Variants in KCNQ1 observed in about 807,000 individuals in gnomAD.
KCNQ1 encodes the protein potassium voltage-gated channel subfamily Q member 1.
Under a neutral mutation model 72.4 loss-of-function variants are expected in KCNQ1, and 49 were observed. That is an observed-to-expected ratio of 0.68 (90% CI 0.54 to 0.86). KCNQ1 has a LOEUF of 0.86. Among genes scored for constraint, KCNQ1 ranks in the 40% least tolerant of loss-of-function variants. KCNQ1 has a pLI of 0.00. For synonymous variants in KCNQ1, 450 were observed against 412.6 expected (o/e 1.09, Z -1.10); for missense variants, 790 against 945.1 (o/e 0.84, Z 2.15).
rs915715899 is a variant in KCNQ1, at chr11:2,464,999, G to A, written c.386+19515G>A. Among the ~76,000 whole-genome samples, 13 of 152,194 alleles carry A rather than the reference G, an allele frequency of 8.5e-5. No individual in the cohort carries two copies. Among genetic ancestry groups the A allele is most frequent in the Non-Finnish European group, 1.5e-4 (10 of 68,034 alleles). On this transcript the variant is annotated intron_variant, in intron 1 of 15. Transcript: ENST00000155840. The surrounding 1 kb of genome is among the most constrained non-coding windows in gnomAD (Gnocchi z 5.0). The stretch of plus-strand genomic sequence containing the variant: ...AGCTGCCCCGGCCGCCCCCGTGGGT[G>A]CAGGCCATGGGCTCTTGTTTCCTTT...
At chr11:2,628,367 T>G in intron 10 of KCNQ1, 1 of 398,554 alleles carries the variant, frequency 2.5e-6, no homozygotes. Context: ...TGGTTTTCAT[T>G]TGCATTTCCC....
chr11:2,475,698 T>A lies in KCNQ1; in HGVS notation c.386+30214T>A, dbSNP rs1846559198. On this transcript the variant is annotated intron_variant, in intron 1 of 15. Transcript: ENST00000155840. This position sits in a 1 kb window ranked among gnomAD's most constrained non-coding sequence, Gnocchi z 5.8. ...ATCTCATCTTGAATTCCCTGTGTTG[T>A]GGGAGGGACCTGGTGGGGGGTAATT... 6.6e-6 allele frequency among the ~76,000 whole-genome samples: 1 copy of A among 152,170 alleles called. No homozygotes were observed. Among genetic ancestry groups the A allele is most frequent in the South Asian group, 2.1e-4 (1 of 4,830 alleles).
chr11:2,596,345 A>G (rs1848733148), intron 10 of KCNQ1, among the ~76,000 whole-genome samples: 1 of 152,226 alleles, frequency 6.6e-6, no homozygotes, highest in Admixed American at 6.5e-5. Context: ...GTATTTATCC[A>G]GGAGAAATAA....
intron 2 of KCNQ1, among the ~76,000 whole-genome samples, chr11:2,555,311 A>C (rs1456767392): frequency 6.6e-6 from 1 of 151,854 alleles, no homozygotes; most frequent in African/African-American, 2.4e-5. Context: ...TTTTCCCCCT[A>C]TCCCAGTTCT....
At chr11:2,551,266 G>A (rs187738705) in intron 2 of KCNQ1, among the ~76,000 whole-genome samples, 7 of 152,230 alleles carry the variant, frequency 4.6e-5, no homozygotes, top group Non-Finnish European at 8.8e-5. Context: ...ACCCACTGGC[G>A]GCTAGCCCCT....
intron 1 of KCNQ1, among the ~76,000 whole-genome samples, chr11:2,518,968 A>G (rs886355367): frequency 2.6e-5 from 4 of 152,104 alleles, no homozygotes; most frequent in African/African-American, 9.7e-5. Flanking sequence ...CGGGTGTGGG[A>G]TCACATCCAC....
rs866169644 is a variant in KCNQ1 at position 2,847,989 on chromosome 11, G to T, written c.2017G>T (p.Asp673Tyr). 1 of 1,546,152 alleles carries T rather than the reference G, an allele frequency of 6.5e-7. No individual in the cohort carries two copies. Among genetic ancestry groups the T allele is most frequent in the Non-Finnish European group, 8.7e-7 (1 of 1,143,408 alleles). ...EQLTVPRRGPDEGS is the reference protein window; with the variant it reads ...EQLTVPRRGPYEGS ...GCTGACCGTGCCCAGGAGGGGCCCC[G>T]ATGAGGGGTCCTGAGGAGGGGATGG... The change falls in exon 16 of 16, where the codon GAT (aspartate) becomes TAT (tyrosine). Residue 673 changes from aspartate (D) to tyrosine (Y), a missense_variant. Transcript: ENST00000155840.
intron 11 of KCNQ1, among the ~76,000 whole-genome samples, chr11:2,702,530 TCTTACA>T (rs1457883284): frequency 6.6e-6 from 1 of 152,210 alleles, no homozygotes; most frequent in African/African-American, 2.4e-5. Flanking sequence ...GCTTATTTGG[TCTTACA>T]CTTAACAAAA....
chr11:2,445,823 T>G (rs1846029114), intron 1 of KCNQ1, among the ~76,000 whole-genome samples: 1 of 151,994 alleles, frequency 6.6e-6, no homozygotes. Context: ...AGCGCACCCT[T>G]GGGTGCAGTA....
intron 11 of KCNQ1, chr11:2,700,128 TG>T (rs1271128881): frequency 7.3e-5 from 29 of 397,076 alleles, no homozygotes; most frequent in African/African-American, 2.7e-4. Context: ...GTGCGGAAAG[TG>T]ATGTGCCGTG....
rs549738828 is a variant in KCNQ1, at chr11:2,634,892, T to C, written c.1394-27069T>C. Reference sequence around the variant, plus strand: ...CCATTCTAACTGGTGTGAGATGGTATCTCATTGTGGTTTTTTGATTTGCCT... The same window carrying C: ...CCATTCTAACTGGTGTGAGATGGTACCTCATTGTGGTTTTTTGATTTGCCT... On this transcript the variant is annotated intron_variant, in intron 10 of 15. Coordinates refer to ENST00000155840, the MANE Select transcript of KCNQ1 (RefSeq NM_000218.3). 3.9e-5 allele frequency: 6 copies of C among 152,360 alleles called. No homozygotes were observed. The East Asian group carries it at 7.7e-4, about 20-fold the overall frequency. The allele number at this position is 152,360 out of a possible 1,614,324, so 9.4% of individuals were successfully genotyped here. A position where few individuals can be genotyped will look rare whatever the true frequency, so the allele number is the denominator to read the frequency against.
At chr11:2,699,976 G>A (rs2133903705) in intron 11 of KCNQ1, 1 of 398,322 alleles carries the variant, frequency 2.5e-6, no homozygotes, top group South Asian at 1.3e-4. Flanking sequence ...CCGTGCTGAG[G>A]CGACGCGGCG....
At chr11:2,751,320 A>G (rs1398145754) in intron 11 of KCNQ1, among the ~76,000 whole-genome samples, 1 of 152,184 alleles carries the variant, frequency 6.6e-6, no homozygotes, top group Non-Finnish European at 1.5e-5. Flanking sequence ...CCCCACTTGC[A>G]GAGAAAGCCC....
chr11:2,534,382 A>G (rs1274145503), intron 2 of KCNQ1, among the ~76,000 whole-genome samples: 2 of 152,230 alleles, frequency 1.3e-5, no homozygotes, highest in Non-Finnish European at 2.9e-5. Context: ...GCTGCCGGGA[A>G]AAGACGCAGA....
At position 2,508,365 on chromosome 11, in the gene KCNQ1, C is replaced by T. The variant is rs1847140033; in HGVS notation, c.387-19563C>T. On this transcript the variant is annotated intron_variant, in intron 1 of 15. Coordinates refer to ENST00000155840, the MANE Select transcript of KCNQ1 (RefSeq NM_000218.3). The surrounding 1 kb of genome is among the most constrained non-coding windows in gnomAD (Gnocchi z 6.2). ...TCATTGTCCTGGAACCTGGGCTTGG[C>T]AGGGCAAGCTTTGGGGAGCACTGTC... Among the ~76,000 whole-genome samples the T allele has an allele frequency of 6.6e-6, 1 of 152,128 alleles. No individual in the cohort carries two copies. The highest frequency in any genetic ancestry group is 6.5e-5 in the Admixed American group (1 of 15,286).
intron 11 of KCNQ1, among the ~76,000 whole-genome samples, chr11:2,719,974 C>T (rs1851174955): frequency 6.6e-6 from 1 of 152,250 alleles, no homozygotes; most frequent in Non-Finnish European, 1.5e-5. Flanking sequence ...GGTCTGACCC[C>T]TTGCACGCCT....
chr11:2,698,049 T>C lies in KCNQ1; in HGVS notation c.1514+35968T>C, dbSNP rs1332697146. The C allele has an allele frequency of 2.5e-6, 1 of 398,648 alleles. No homozygotes were observed. Among genetic ancestry groups the C allele is most frequent in the South Asian group, 1.3e-4 (1 of 7,856 alleles). 24.7% of individuals were successfully genotyped at this position (398,648 alleles called of 1,614,324 possible). A position where few individuals can be genotyped will look rare whatever the true frequency, so the allele number is the denominator to read the frequency against. ...GATCATTTGAGACACCATAGAAATC[T>C]GGTTAATCCTGCCTGCCTGCTTTCC... On this transcript the variant is annotated intron_variant, in intron 11 of 15. Coordinates refer to ENST00000155840, the MANE Select transcript of KCNQ1 (RefSeq NM_000218.3). The surrounding 1 kb of genome is among the most constrained non-coding windows in gnomAD (Gnocchi z 5.1).
At chr11:2,727,510 C>T (rs1489446198) in intron 11 of KCNQ1, among the ~76,000 whole-genome samples, 1 of 152,130 alleles carries the variant, frequency 6.6e-6, no homozygotes, top group Admixed American at 6.5e-5. Context: ...AGGAGGTTGC[C>T]TGAGCTTAAC....
At position 2,457,598 on chromosome 11, in the gene KCNQ1, G is replaced by A. The variant is rs914009995; in HGVS notation, c.386+12114G>A. 5.3e-5 allele frequency among the ~76,000 whole-genome samples: 8 copies of A among 151,804 alleles called. No individual in the cohort carries two copies. Among genetic ancestry groups the A allele is most frequent in the Non-Finnish European group, 1.0e-4 (7 of 68,010 alleles). On this transcript the variant is annotated intron_variant, in intron 1 of 15. Transcript: ENST00000155840. This position sits in a 1 kb window ranked among gnomAD's most constrained non-coding sequence, Gnocchi z 5.0. Reference sequence around the variant, plus strand: ...ATCAAATCCATGTGGACATAATGATGAGAACAAGAGACACTGGGGAATACA... The same window carrying A: ...ATCAAATCCATGTGGACATAATGATAAGAACAAGAGACACTGGGGAATACA...
Sources: allele counts gnomAD v4.1 joint callset (sites outside exome capture counted in the v4.1 genomes callset), GRCh38; gene constraint gnomAD v4.1.1; non-coding constraint Gnocchi (gnomAD v3.1); transcripts MANE v1.5; gene names NCBI Gene and HGNC (gene_info 2026-07-23, HGNC 2026-07-21).